The following VSIG1 variants were observed in gnomAD, a reference collection of about 807,000 sequenced individuals.
The protein encoded by VSIG1 is V-set and immunoglobulin domain-containing protein 1.
Under a neutral mutation model 20.1 loss-of-function variants are expected in VSIG1, and 11 were observed. The ratio of observed to expected loss-of-function variants is 0.55; its 90% CI spans 0.34 to 0.91. The LOEUF is 0.91. Ranked by LOEUF, VSIG1 falls within the 40% of genes least tolerant of loss-of-function variation. The pLI, the probability that VSIG1 is intolerant of heterozygous loss-of-function variation, is 0.02. For synonymous variants in VSIG1, 126 were observed against 116.7 expected, an observed-to-expected ratio of 1.08 and a Z score of -0.52; for missense variants, 283 against 298.8, an observed-to-expected ratio of 0.95 and a Z score of 0.39.
the VSIG1 span, among the ~76,000 whole-genome samples, chrX:108,037,077 T>C: frequency 6.3e-5 from 7 of 111,664 alleles, no homozygotes; most frequent in Admixed American, 6.7e-4. Flanking sequence ...TGGCAGGCAG[T>C]TGGAAAAAGT....
At chrX:108,022,033 AG>A in the VSIG1 span, among the ~76,000 whole-genome samples, 1 of 111,494 alleles carries the variant, frequency 9.0e-6, no homozygotes, top group African/African-American at 3.3e-5. Flanking sequence ...GGTTTTTTTT[AG>A]GTCCCTTGTA....
At chrX:108,037,735 A>T in the VSIG1 span, among the ~76,000 whole-genome samples, 1 of 112,901 alleles carries the variant, frequency 8.9e-6, no homozygotes, top group African/African-American at 3.2e-5. Context: ...ATAGTTATTC[A>T]GTGCCTACTG....
At position 108,070,351 on chromosome X, in the gene VSIG1, G is replaced by T. The variant is rs531741126; in HGVS notation, c.413-2326G>T. Among the ~76,000 whole-genome samples the T allele has an allele frequency of 7.1e-5, 8 of 112,265 alleles. No homozygotes were observed. In the South Asian group the frequency reaches 3.0e-3, roughly 42 times the overall value. The stretch of plus-strand genomic sequence containing the variant: ...GTTCCACTGGGGACTTTAACTGGAT[G>T]AAATTTCAGTTCAATCCTGGGTCAG... On this transcript the variant is annotated intron_variant, in intron 3 of 6. Coordinates refer to ENST00000217957, the MANE Select transcript of VSIG1 (RefSeq NM_182607.5).
Position 108,076,084 on chromosome X carries a change from AGTTGGAATCATT to A in VSIG1, c.702_713del (p.Ile235_Gly238del). The A allele has an allele frequency of 8.3e-7, 1 of 1,211,243 alleles. No individual in the cohort carries two copies. The highest frequency in any genetic ancestry group is 1.1e-6 in the Non-Finnish European group (1 of 895,210). On this transcript the variant is annotated inframe_deletion, in exon 6 of 7. Coordinates refer to ENST00000217957, the MANE Select transcript of VSIG1 (RefSeq NM_182607.5). ...GCTGCTTGTATCCTTCAGATCCAGA[AGTTGGAATCATT>A]GTTGGGGCCTTGATTGGTAGCCTGG...
chrX:108,072,306 G>A (rs1331658279), intron 3 of VSIG1, among the ~76,000 whole-genome samples: 1 of 111,117 alleles, frequency 9.0e-6, no homozygotes, highest in African/African-American at 3.3e-5. Context: ...AGGATGGAGT[G>A]CAGTGGCGTG....
the VSIG1 span, among the ~76,000 whole-genome samples, chrX:108,032,702 C>T: frequency 9.0e-6 from 1 of 111,129 alleles, no homozygotes; most frequent in Non-Finnish European, 1.9e-5. Context: ...TGCAAAGGCC[C>T]TGAAGTGGGA....
intron 3 of VSIG1, among the ~76,000 whole-genome samples, chrX:108,070,616 T>G (rs2031219300): frequency 8.9e-6 from 1 of 112,087 alleles, no homozygotes; most frequent in Non-Finnish European, 1.9e-5. Flanking sequence ...ATTGTTCTAT[T>G]CTGCTGTAAA....
intron 2 of VSIG1, among the ~76,000 whole-genome samples, chrX:108,062,573 C>G (rs2031049218): frequency 8.9e-6 from 1 of 112,281 alleles, no homozygotes; most frequent in Non-Finnish European, 1.9e-5. Context: ...ATGGGACCTT[C>G]CATGCCTTCT....
chrX:108,064,838 A>AT (rs2031096671), intron 2 of VSIG1: 1 of 627,426 alleles, frequency 1.6e-6, no homozygotes, highest in Admixed American at 8.9e-5. Context: ...AATAAGCCCC[A>AT]TGCTGCCTAG....
upstream of VSIG1, among the ~76,000 whole-genome samples, chrX:108,040,096 A>T (rs1300127184): frequency 9.0e-6 from 1 of 111,467 alleles, no homozygotes; most frequent in African/African-American, 3.3e-5. Context: ...AAAGTGATAG[A>T]CCAGAAGAAA....
chrX:108,022,868 T>C, the VSIG1 span, among the ~76,000 whole-genome samples: 1 of 111,197 alleles, frequency 9.0e-6, no homozygotes, highest in Admixed American at 9.5e-5. Context: ...ATGTGAGAGT[T>C]GACTGTTTTA....
chrX:108,047,430 A>G (rs1265666012), intron 1 of VSIG1, among the ~76,000 whole-genome samples: 2 of 111,417 alleles, frequency 1.8e-5, no homozygotes, highest in Non-Finnish European at 3.8e-5. Context: ...AATATGTATT[A>G]GTCACCTCTT....
the VSIG1 span, among the ~76,000 whole-genome samples, chrX:108,029,620 A>G: frequency 8.9e-6 from 1 of 112,031 alleles, no homozygotes; most frequent in Non-Finnish European, 1.9e-5. Context: ...AATGCTTTCT[A>G]TCATTGGTCC....
In VSIG1 at chrX:108,073,366, T is replaced by G; in HGVS notation, c.685T>G (p.Ser229Ala). The change falls in exon 5 of 7, where the codon TCA (serine) becomes GCA (alanine). Residue 229 changes from serine to alanine, a missense_variant. Coordinates refer to ENST00000217957, the MANE Select transcript of VSIG1 (RefSeq NM_182607.5). ...NSSCEIDLTS[S>A]HPEVGIIVGA... ...TTCCTGCGAAATCGATCTCACTTCT[T>G]CACGTGAGTTGACCATACAACTTTA... is the stretch of plus-strand genomic sequence containing the variant. 6 of 1,210,403 alleles carry G rather than the reference T, an allele frequency of 5.0e-6. No homozygotes were observed. Among genetic ancestry groups the G allele is most frequent in the Non-Finnish European group, 6.7e-6 (6 of 894,804 alleles).
the VSIG1 span, among the ~76,000 whole-genome samples, chrX:108,024,513 A>G: frequency 1.9e-5 from 2 of 106,642 alleles, no homozygotes; most frequent in African/African-American, 6.8e-5. Context: ...TTATTTTCCT[A>G]GTTTCTTAAG....
intron 5 of VSIG1, among the ~76,000 whole-genome samples, chrX:108,074,425 T>C (rs761346063): frequency 1.5e-4 from 17 of 111,845 alleles, no homozygotes; most frequent in East Asian, 2.8e-4. Flanking sequence ...CTAGTCTTTT[T>C]TCCAATGATG....
rs184705524 is a variant in VSIG1, at chrX:108,047,490, A to C, written c.49+2311A>C. ...CATTTTCTGGAGGTATATGCTATGC[A>C]TTTTAAAGGAGTAATATATTTGAAC... is the stretch of plus-strand genomic sequence containing the variant. On this transcript the variant is annotated intron_variant, in intron 1 of 6. Coordinates refer to ENST00000217957, the MANE Select transcript of VSIG1 (RefSeq NM_182607.5). Among the ~76,000 whole-genome samples the C allele has an allele frequency of 5.0e-3, 554 of 110,633 alleles. 5 individuals are homozygous for C. Among genetic ancestry groups the C allele is most frequent in the African/African-American group, 0.017 (519 of 30,508 alleles).
At chrX:108,039,709 G>T in the VSIG1 span, among the ~76,000 whole-genome samples, 2 of 110,662 alleles carry the variant, frequency 1.8e-5, no homozygotes, top group Non-Finnish European at 3.8e-5. Flanking sequence ...CAGATGAAGA[G>T]GGGGGCAGCA....
chrX:108,027,316 A>C, the VSIG1 span, among the ~76,000 whole-genome samples: 1 of 112,287 alleles, frequency 8.9e-6, no homozygotes, highest in Non-Finnish European at 1.9e-5. Context: ...ATGGAATATT[A>C]TTTGGCCATA....
Sources: allele counts gnomAD v4.1 joint callset (sites outside exome capture counted in the v4.1 genomes callset), GRCh38; gene constraint gnomAD v4.1.1; transcripts MANE v1.5; gene names NCBI Gene and HGNC (gene_info 2026-07-23, HGNC 2026-07-21).